PRDM5: variants seen among roughly 807,000 people sequenced by gnomAD.
PRDM5 encodes PR domain zinc finger protein 5.
A neutral mutation model predicts 81.2 loss-of-function variants in PRDM5; 56 were observed. The ratio of observed to expected loss-of-function variants is 0.69; its 90% CI spans 0.56 to 0.86. The LOEUF (loss-of-function observed/expected upper bound fraction) is 0.86, where lower values mean the gene tolerates loss of function less well. Ranked by LOEUF, PRDM5 falls within the 40% of genes least tolerant of loss-of-function variation. PRDM5 has a pLI of 0.00. For synonymous variants in PRDM5, 267 were observed against 256.4 expected (o/e 1.04, Z -0.39); for missense variants, 697 against 770.1 (o/e 0.91, Z 1.12).
At chr4:120,881,800 T>C (rs925282418) in intron 2 of PRDM5, among the ~76,000 whole-genome samples, 2 of 152,212 alleles carry the variant, frequency 1.3e-5, no homozygotes, top group African/African-American at 2.4e-5. Context: ...TTTGACTCAA[T>C]TGATCTTCCT....
chr4:120,912,707 G>A (rs890406574), intron 1 of PRDM5, among the ~76,000 whole-genome samples: 1 of 152,160 alleles, frequency 6.6e-6, no homozygotes, highest in Non-Finnish European at 1.5e-5. Context: ...CTATTTAGGA[G>A]AATGTCCTTA....
intron 14 of PRDM5, among the ~76,000 whole-genome samples, chr4:120,736,791 A>G (rs114179070): frequency 0.011 from 1,719 of 152,362 alleles, 34 homozygotes; most frequent in African/African-American, 0.039. Context: ...TATCCAAGAA[A>G]CACAGTCTTT....
intron 13 of PRDM5, among the ~76,000 whole-genome samples, chr4:120,773,118 A>G (rs1305081643): frequency 6.6e-6 from 1 of 152,238 alleles, no homozygotes; most frequent in African/African-American, 2.4e-5. Flanking sequence ...AGTTGTCTCA[A>G]GGAAAAGCAC....
intron 14 of PRDM5, among the ~76,000 whole-genome samples, chr4:120,740,478 C>A (rs1204405044): frequency 6.6e-6 from 1 of 152,186 alleles, no homozygotes; most frequent in African/African-American, 2.4e-5. Context: ...CCACAAGCTG[C>A]TCTTCCTGTC....
intron 2 of PRDM5, among the ~76,000 whole-genome samples, chr4:120,897,797 C>T (rs766774240): frequency 3.3e-5 from 5 of 152,152 alleles, no homozygotes; most frequent in Non-Finnish European, 5.9e-5. Context: ...GCCATTTATA[C>T]ATTTCAATTT....
intron 13 of PRDM5, among the ~76,000 whole-genome samples, chr4:120,763,935 A>C (rs1011634282): frequency 1.3e-5 from 2 of 151,972 alleles, no homozygotes; most frequent in African/African-American, 4.8e-5. Context: ...ATTAAAAAAA[A>C]AAAACAGCTA....
chr4:120,804,545 C>T (rs147855361), intron 8 of PRDM5, among the ~76,000 whole-genome samples: 6,912 of 152,270 alleles, frequency 0.045, 313 homozygotes, highest in Middle Eastern at 0.15. Flanking sequence ...CATTAAGAAA[C>T]TCACTCAAAA....
chr4:120,872,815 CA>C, intron 2 of PRDM5, among the ~76,000 whole-genome samples: 1 of 152,044 alleles, frequency 6.6e-6, no homozygotes, highest in East Asian at 1.9e-4. Flanking sequence ...TGGTGATTAC[CA>C]GGGGCAGGGG....
intron 14 of PRDM5, among the ~76,000 whole-genome samples, chr4:120,738,798 T>G (rs1741486550): frequency 6.6e-6 from 1 of 152,242 alleles, no homozygotes; most frequent in Non-Finnish European, 1.5e-5. Context: ...TATTCAGCAT[T>G]ATGTAATATT....
chr4:120,697,778 GA>G (rs1316598468), intron 15 of PRDM5, among the ~76,000 whole-genome samples: 1 of 138,264 alleles, frequency 7.2e-6, no homozygotes, highest in African/African-American at 2.6e-5. Flanking sequence ...CTCAGTCTCC[GA>G]AAGTGCTGGG....
At chr4:120,836,841 G>A (rs983690846) in intron 3 of PRDM5, among the ~76,000 whole-genome samples, 1 of 152,114 alleles carries the variant, frequency 6.6e-6, no homozygotes, top group African/African-American at 2.4e-5. Flanking sequence ...TTTAGGGGGG[G>A]TTGTTAGAAT....
intron 3 of PRDM5, among the ~76,000 whole-genome samples, chr4:120,849,275 C>A (rs568816726): frequency 1.2e-4 from 18 of 152,226 alleles, no homozygotes; most frequent in Admixed American, 5.9e-4. Context: ...CCAGCTCTGT[C>A]ATATTTAAAT....
intron 13 of PRDM5, among the ~76,000 whole-genome samples, chr4:120,772,132 T>A (rs1747381501): frequency 6.6e-6 from 1 of 152,106 alleles, no homozygotes; most frequent in African/African-American, 2.4e-5. Context: ...GAGGAGGGTA[T>A]AACAGGAAAC....
Position 120,793,166 on chromosome 4 carries a change from C to T in PRDM5, c.1188+5101G>A, listed in dbSNP as rs540009984. Among the ~76,000 whole-genome samples, 5 of 152,230 alleles carry T rather than the reference C, an allele frequency of 3.3e-5. No homozygotes were observed. In the East Asian group the frequency reaches 5.8e-4, roughly 18 times the overall value. ...AGCCACTCCCCATCACTCACATTAC[C>T]GCCTGAGCCCCACCTCCTGTGAGAT... is the stretch of plus-strand genomic sequence containing the variant. On this transcript the variant is annotated intron_variant, in intron 10 of 15. Coordinates refer to ENST00000264808, the MANE Select transcript of PRDM5 (RefSeq NM_018699.4).
Position 120,768,074 on chromosome 4 carries a change from A to G in PRDM5, c.1537+9114T>C, listed in dbSNP as rs79650426. On this transcript the variant is annotated intron_variant, in intron 13 of 15. Coordinates refer to ENST00000264808, the MANE Select transcript of PRDM5 (RefSeq NM_018699.4). ...TTTAATAGCAGGGTGAGAACAGACT[A>G]AAACAATGTGAAAAGATCAATCAAT... 8.7e-3 allele frequency among the ~76,000 whole-genome samples: 1,330 copies of G among 152,312 alleles called. 23 individuals carry two copies. Among genetic ancestry groups the G allele is most frequent in the African/African-American group, 0.03 (1,259 of 41,568 alleles).
intron 3 of PRDM5, chr4:120,838,161 T>G (rs1757578546): frequency 6.6e-6 from 1 of 152,182 alleles, no homozygotes; most frequent in Non-Finnish European, 1.5e-5. Context: ...CAACCCCTCT[T>G]CCATTCAGCC....
chr4:120,865,163 C>T (rs1295468295), intron 2 of PRDM5, among the ~76,000 whole-genome samples: 1 of 152,170 alleles, frequency 6.6e-6, no homozygotes, highest in Admixed American at 6.5e-5. Context: ...GCACGGGAAC[C>T]TTTCAAGAAA....
intron 2 of PRDM5, among the ~76,000 whole-genome samples, chr4:120,866,481 T>C (rs969353222): frequency 1.3e-5 from 2 of 152,218 alleles, no homozygotes; most frequent in Admixed American, 6.5e-5. Flanking sequence ...CTAATAGTTA[T>C]TGAGTGTTTA....
chr4:120,714,093 T>C (rs1215290045), intron 14 of PRDM5, among the ~76,000 whole-genome samples: 1 of 152,204 alleles, frequency 6.6e-6, no homozygotes, highest in African/African-American at 2.4e-5. Flanking sequence ...ATTCAGTCCA[T>C]TGCAATGCCT....
Sources: gnomAD v4.1 joint callset for allele counts (sites outside exome capture counted in the v4.1 genomes callset) on GRCh38, gnomAD v4.1.1 for gene constraint, MANE v1.5 for transcripts, NCBI Gene and HGNC (gene_info 2026-07-23, HGNC 2026-07-21) for gene names.